Variants in RAPGEF1 observed in about 807,000 individuals in gnomAD.
The protein encoded by RAPGEF1 is Rap guanine nucleotide exchange factor 1.
RAPGEF1 carries 33 observed loss-of-function variants against 143.3 expected under a neutral mutation model. The observed-to-expected ratio is 0.23, with a 90% confidence interval of 0.17 to 0.31. RAPGEF1 has a LOEUF of 0.31. RAPGEF1 is among the 10% of genes least tolerant of loss of function. The probability of loss-of-function intolerance (pLI) is 1.00; values close to 1 mark genes in which losing one functional copy is unlikely to be tolerated. For missense variants in RAPGEF1, 1,199 were observed against 1,645.4 expected, an observed-to-expected ratio of 0.73 and a Z score of 4.69; for synonymous variants, 629 against 676.5, an observed-to-expected ratio of 0.93 and a Z score of 1.09.
chr9:131,643,694 C>G (rs918350587), intron 3 of RAPGEF1, among the ~76,000 whole-genome samples: 1 of 152,208 alleles, frequency 6.6e-6, no homozygotes, highest in Admixed American at 6.5e-5. Context: ...ATCCTCCTGT[C>G]TGTCCTCATC....
Position 131,587,038 on chromosome 9 carries a change from A to C in RAPGEF1, c.3233+698T>G, listed in dbSNP as rs200069476. ...CACACACACACACACACACACACAC[A>C]CCCCTGCAGAGCGAGACTCCGTCTC... On this transcript the variant is annotated intron_variant, in intron 22 of 26. Transcript: ENST00000683357. 2.3e-3 allele frequency among the ~76,000 whole-genome samples: 176 copies of C among 75,428 alleles called. 23 individuals carry two copies. The highest frequency in any genetic ancestry group is 0.011 in the African/African-American group (146 of 12,986). The allele number at this position is 75,428 out of a possible 152,430, so 49.5% of individuals were successfully genotyped here.
At chr9:131,683,366 C>T (rs1367602809) in intron 1 of RAPGEF1, among the ~76,000 whole-genome samples, 1 of 152,182 alleles carries the variant, frequency 6.6e-6, no homozygotes, top group African/African-American at 2.4e-5. Context: ...CATACTTCCT[C>T]CAACATTTTC....
At chr9:131,697,614 C>T (rs1256222679) in intron 1 of RAPGEF1, among the ~76,000 whole-genome samples, 2 of 152,176 alleles carry the variant, frequency 1.3e-5, no homozygotes, top group African/African-American at 2.4e-5. Flanking sequence ...GTTTCCTAGG[C>T]GGACATAAAG....
intron 26 of RAPGEF1, 125 bp downstream of exon 26, chr9:131,580,138 T>C: frequency 7.7e-7 from 1 of 1,291,722 alleles, no homozygotes; most frequent in South Asian, 1.4e-5. Context: ...CCGGACTATA[T>C]CTCAGCAGTG....
At chr9:131,633,801 G>A (rs1288931114) in intron 5 of RAPGEF1, among the ~76,000 whole-genome samples, 1 of 152,204 alleles carries the variant, frequency 6.6e-6, no homozygotes, top group African/African-American at 2.4e-5. Context: ...AACTATCACA[G>A]AGGAGAAACC....
intron 1 of RAPGEF1, among the ~76,000 whole-genome samples, chr9:131,679,169 G>C (rs183545666): frequency 6.7e-6 from 1 of 150,268 alleles, no homozygotes; most frequent in Non-Finnish European, 1.5e-5. Context: ...TGTGACAAGG[G>C]GGGGGCCACA....
chr9:131,608,131 G>A (rs1056414754), intron 12 of RAPGEF1, among the ~76,000 whole-genome samples: 6 of 152,168 alleles, frequency 3.9e-5, no homozygotes, highest in African/African-American at 9.7e-5. Flanking sequence ...TCTTTAAAAC[G>A]GGGATGAAAA....
intron 1 of RAPGEF1, chr9:131,709,558 A>G (rs1350371416): frequency 7.3e-6 from 11 of 1,509,550 alleles, no homozygotes; most frequent in African/African-American, 1.4e-5. Flanking sequence ...CTGCTGGGCC[A>G]GTCTCTCAGA....
intron 1 of RAPGEF1, among the ~76,000 whole-genome samples, chr9:131,673,845 C>A (rs910724088): frequency 6.6e-6 from 1 of 152,200 alleles, no homozygotes; most frequent in Admixed American, 6.5e-5. Flanking sequence ...ATGTACTCAT[C>A]GTGGCCTCTG....
At chr9:131,581,372 T>A (rs1253222167) in intron 25 of RAPGEF1, among the ~76,000 whole-genome samples, 2 of 151,862 alleles carry the variant, frequency 1.3e-5, no homozygotes, top group Non-Finnish European at 2.9e-5. Context: ...CCAGCCTGGG[T>A]GACAGAGACT....
rs1952284523 is a variant in RAPGEF1, at chr9:131,583,982, C to G, written c.3414+329G>C. Among the ~76,000 whole-genome samples, 1 of 152,224 alleles carries G rather than the reference C, an allele frequency of 6.6e-6. No homozygotes were observed. The highest frequency in any genetic ancestry group is 2.4e-5 in the African/African-American group (1 of 41,462). On this transcript the variant is annotated intron_variant, in intron 24 of 26. Coordinates refer to ENST00000683357, the MANE Select transcript of RAPGEF1 (RefSeq NM_001377935.1). The surrounding 1 kb of genome is among the most constrained non-coding windows in gnomAD (Gnocchi z 4.7). ...GCGTCCCCAGCACCTACCGCAGTGC[C>G]CGGCCCGAAGCAGACCCTTCAGAAG...
chr9:131,671,685 A>T (rs1831417368), intron 1 of RAPGEF1, among the ~76,000 whole-genome samples: 1 of 152,156 alleles, frequency 6.6e-6, no homozygotes, highest in South Asian at 2.1e-4. Context: ...TCATGAATGG[A>T]GGCCCTGGAA....
intron 5 of RAPGEF1, among the ~76,000 whole-genome samples, chr9:131,634,499 G>T (rs1965786797): frequency 1.3e-5 from 2 of 152,112 alleles, no homozygotes; most frequent in Middle Eastern, 3.4e-3. Flanking sequence ...GATCACTGGA[G>T]GTCAGGAGTT....
chr9:131,627,879 GAC>G, intron 9 of RAPGEF1, 32 bp downstream of exon 9: 4 of 1,559,346 alleles, frequency 2.6e-6, no homozygotes, highest in Non-Finnish European at 3.5e-6. Flanking sequence ...AAGCCACCGA[GAC>G]ACGATGGAAC....
chr9:131,678,548 C>A (rs895689588), intron 1 of RAPGEF1, among the ~76,000 whole-genome samples: 1 of 152,196 alleles, frequency 6.6e-6, no homozygotes, highest in Non-Finnish European at 1.5e-5. Context: ...CTAACTTAAT[C>A]CAGCTGTAAC....
At chr9:131,669,891 G>T (rs1025833321) in intron 1 of RAPGEF1, among the ~76,000 whole-genome samples, 1 of 152,124 alleles carries the variant, frequency 6.6e-6, no homozygotes, top group African/African-American at 2.4e-5. Context: ...CTATGTACAG[G>T]GAGTTGTATC....
intron 18 of RAPGEF1, 91 bp downstream of exon 18, chr9:131,592,008 G>T: frequency 1.0e-6 from 1 of 1,002,946 alleles, no homozygotes; most frequent in Non-Finnish European, 1.5e-6. Context: ...ATGCTGCTCG[G>T]CTTCCCCCAC....
chr9:131,718,159 T>C (rs983008683), intron 1 of RAPGEF1, among the ~76,000 whole-genome samples: 3 of 152,114 alleles, frequency 2.0e-5, no homozygotes, highest in African/African-American at 7.2e-5. Context: ...CTACAATATC[T>C]GGGGAATGAA....
At chr9:131,598,484 T>TG in intron 15 of RAPGEF1, 174 bp from the exon 16 acceptor site, 1 of 701,834 alleles carries the variant, frequency 1.4e-6, no homozygotes, top group Non-Finnish European at 2.6e-6. Context: ...ACTGGCTGTG[T>TG]GGCCATAGGA....
Sources: gnomAD v4.1 joint callset for allele counts (sites outside exome capture counted in the v4.1 genomes callset) on GRCh38, gnomAD v4.1.1 for gene constraint, Gnocchi (gnomAD v3.1) non-coding constraint, MANE v1.5 for transcripts, NCBI Gene and HGNC (gene_info 2026-07-23, HGNC 2026-07-21) for gene names.